ARHGEF3: variants seen among roughly 807,000 people sequenced by gnomAD.
The protein encoded by ARHGEF3 is 59.8 kDA protein.
A neutral mutation model predicts 63.2 loss-of-function variants in ARHGEF3; 28 were observed. The observed-to-expected ratio is 0.44, with a 90% confidence interval of 0.33 to 0.61. The LOEUF is 0.61. ARHGEF3 is among the 20% of genes least tolerant of loss of function. ARHGEF3 has a pLI of 0.03. For synonymous variants in ARHGEF3, 266 were observed against 254.2 expected, an observed-to-expected ratio of 1.05 and a Z score of -0.44; for missense variants, 533 against 659.3, an observed-to-expected ratio of 0.81 and a Z score of 2.10.
chr3:56,998,999 T>A (rs1301865636), intron 2 of ARHGEF3, among the ~76,000 whole-genome samples: 2 of 152,234 alleles, frequency 1.3e-5, no homozygotes, highest in Non-Finnish European at 2.9e-5. Flanking sequence ...GATGGGAGCT[T>A]GGCATTAGTT....
intron 4 of ARHGEF3, among the ~76,000 whole-genome samples, chr3:56,866,035 T>C (rs561457542): frequency 9.9e-5 from 15 of 152,142 alleles, no homozygotes; most frequent in African/African-American, 3.4e-4. Flanking sequence ...TGTGGTGGCC[T>C]GCACCTGTGG....
intron 2 of ARHGEF3, among the ~76,000 whole-genome samples, chr3:57,034,054 G>A (rs1703846611): frequency 6.6e-6 from 1 of 151,752 alleles, no homozygotes. Context: ...TCAAAGAAAA[G>A]TAAATAAATA....
chr3:56,949,586 C>A (rs547247942), intron 3 of ARHGEF3, among the ~76,000 whole-genome samples: 2 of 151,918 alleles, frequency 1.3e-5, no homozygotes, highest in Admixed American at 6.6e-5. Context: ...ACGTGAAGGA[C>A]CTCTTCAAGG....
At chr3:56,774,354 A>G (rs922264813) in intron 1 of ARHGEF3, among the ~76,000 whole-genome samples, 3 of 152,204 alleles carry the variant, frequency 2.0e-5, no homozygotes, top group African/African-American at 4.8e-5. Flanking sequence ...TTAAGAAAGC[A>G]TCTTTGTATC....
intron 4 of ARHGEF3, among the ~76,000 whole-genome samples, chr3:56,852,214 A>G (rs2039698144): frequency 1.3e-5 from 2 of 152,192 alleles, no homozygotes; most frequent in South Asian, 4.1e-4. Context: ...TCCCTAGTGT[A>G]GAAGTGAGAA....
chr3:56,735,559 C>T (rs1017947594), intron 8 of ARHGEF3, among the ~76,000 whole-genome samples: 2 of 152,188 alleles, frequency 1.3e-5, no homozygotes, highest in Admixed American at 6.5e-5. Flanking sequence ...AGTTCTCAGT[C>T]CTTCACTGAT....
At chr3:56,818,233 C>T (rs953866016) in intron 4 of ARHGEF3, among the ~76,000 whole-genome samples, 1 of 152,220 alleles carries the variant, frequency 6.6e-6, no homozygotes, top group African/African-American at 2.4e-5. Flanking sequence ...TGAAACTCTA[C>T]TGAAAATTCT....
In ARHGEF3 at chr3:57,077,295, G is replaced by A. The variant is rs77605188; in HGVS notation, c.-28+1931C>T. The stretch of plus-strand genomic sequence containing the variant: ...GAGGGGGCACAAAGGGCAGCCCCCA[G>A]TTTGTAGGGAATTGAGATGTAACGG... On this transcript the variant is annotated intron_variant, in intron 1 of 12. Coordinates refer to the ARHGEF3 transcript ENST00000338458. 1.3e-3 allele frequency among the ~76,000 whole-genome samples: 188 copies of A among 143,864 alleles called. 1 individual carries two copies. Among genetic ancestry groups the A allele is most frequent in the Non-Finnish European group, 2.0e-3 (133 of 66,056 alleles). The allele number at this position is 143,864 out of a possible 152,430, so 94.4% of individuals were successfully genotyped here. A position where few individuals can be genotyped will look rare whatever the true frequency, so the allele number is the denominator to read the frequency against.
At chr3:57,050,191 G>C (rs181078793) in intron 1 of ARHGEF3, among the ~76,000 whole-genome samples, 4 of 152,126 alleles carry the variant, frequency 2.6e-5, no homozygotes, top group Admixed American at 6.5e-5. Flanking sequence ...ATTACCACCT[G>C]CAGTATTGAA....
intron 2 of ARHGEF3, among the ~76,000 whole-genome samples, chr3:57,010,040 G>C (rs977237290): frequency 6.6e-6 from 1 of 152,146 alleles, no homozygotes; most frequent in African/African-American, 2.4e-5. Context: ...TTCTGAGCCC[G>C]GGCTTCTGAC....
intron 2 of ARHGEF3, among the ~76,000 whole-genome samples, chr3:56,988,337 C>T (rs1307234972): frequency 6.6e-6 from 1 of 152,076 alleles, no homozygotes; most frequent in South Asian, 2.1e-4. Flanking sequence ...GTAGTGGAGA[C>T]GGGGTTTCAC....
chr3:56,888,687 G>A (rs2041007017), intron 3 of ARHGEF3, among the ~76,000 whole-genome samples: 1 of 152,122 alleles, frequency 6.6e-6, no homozygotes, highest in African/African-American at 2.4e-5. Flanking sequence ...TGGATCACCT[G>A]CGGTCAGGAG....
In ARHGEF3 at chr3:56,727,829, T is replaced by C. The variant is rs1344805047; in HGVS notation, c.*1441A>G. Reference sequence around the variant, plus strand: ...AAAAATAATAAAGTATATACCTTGTTTTTATATTGATATATCTTGTCACAC... The same window carrying C: ...AAAAATAATAAAGTATATACCTTGTCTTTATATTGATATATCTTGTCACAC... On this transcript the variant is annotated 3_prime_UTR_variant, in exon 10 of 10. Transcript: ENST00000296315. The C allele has an allele frequency of 6.5e-6, 1 of 152,678 alleles. No homozygotes were observed. The highest frequency in any genetic ancestry group is 1.5e-5 in the Non-Finnish European group (1 of 68,050). The allele number at this position is 152,678 out of a possible 1,614,324, so 9.5% of individuals were successfully genotyped here.
intron 1 of ARHGEF3, among the ~76,000 whole-genome samples, chr3:56,782,617 G>A (rs907015935): frequency 4.0e-5 from 6 of 150,244 alleles, no homozygotes; most frequent in African/African-American, 1.5e-4. Flanking sequence ...TTAAGATAAG[G>A]TGCTATGAGG....
intron 1 of ARHGEF3, among the ~76,000 whole-genome samples, chr3:56,788,213 C>T (rs554149353): frequency 1.3e-5 from 2 of 152,168 alleles, no homozygotes; most frequent in East Asian, 1.9e-4. Context: ...TGGGGGGTGG[C>T]GGGCATCCAG....
At position 57,028,292 on chromosome 3, in the gene ARHGEF3, CA is replaced by C. The variant is rs1326495846; in HGVS notation, c.62+6795del. ...CAATAGCAAAGACTTGGAACCAACCCAAATGTCCAACAATGATAGACTGGAT... is the reference window on the plus strand; with the variant it reads ...CAATAGCAAAGACTTGGAACCAACCCAATGTCCAACAATGATAGACTGGAT... On this transcript the variant is annotated intron_variant, in intron 2 of 12. Transcript: ENST00000338458. Among the ~76,000 whole-genome samples, 73 of 95,868 alleles carry C rather than the reference CA, an allele frequency of 7.6e-4. 1 individual carries two copies. The highest frequency in any genetic ancestry group is 2.8e-3 in the African/African-American group (67 of 24,192). The allele number at this position is 95,868 out of a possible 152,430, so 62.9% of individuals were successfully genotyped here. A position where few individuals can be genotyped will look rare whatever the true frequency, so the allele number is the denominator to read the frequency against.
At chr3:56,786,118 C>T (rs549542829) in intron 1 of ARHGEF3, among the ~76,000 whole-genome samples, 50 of 152,304 alleles carry the variant, frequency 3.3e-4, no homozygotes, top group African/African-American at 1.2e-3. Context: ...CCAGGGGACA[C>T]AGCACCCGGG....
upstream of ARHGEF3, among the ~76,000 whole-genome samples, chr3:56,806,228 T>C (rs1312080111): frequency 6.6e-6 from 1 of 152,182 alleles, no homozygotes; most frequent in Non-Finnish European, 1.5e-5. Flanking sequence ...TCTGGGGGTG[T>C]CCGTGAACAA....
intron 1 of ARHGEF3, among the ~76,000 whole-genome samples, chr3:57,043,407 G>A (rs956004093): frequency 4.0e-5 from 6 of 151,862 alleles, no homozygotes; most frequent in South Asian, 2.1e-4. Flanking sequence ...GAGCCACAGC[G>A]CCTGGCTGCC....
Sources: allele counts gnomAD v4.1 joint callset (sites outside exome capture counted in the v4.1 genomes callset), GRCh38; gene constraint gnomAD v4.1.1; transcripts MANE v1.5; gene names NCBI Gene and HGNC (gene_info 2026-07-23, HGNC 2026-07-21).